MEGF9: variants seen among roughly 807,000 people sequenced by gnomAD.
The protein encoded by MEGF9 is multiple epidermal growth factor-like domains protein 9.
In MEGF9, 6 loss-of-function variants were observed where a neutral mutation model predicts 46.8. The ratio of observed to expected loss-of-function variants is 0.13; its 90% confidence interval spans 0.07 to 0.25. MEGF9 has a LOEUF of 0.25. Ranked by LOEUF, MEGF9 falls within the 10% of genes least tolerant of loss-of-function variation. The probability of loss-of-function intolerance (pLI) is 1.00; values close to 1 mark genes in which losing one functional copy is unlikely to be tolerated. For synonymous variants in MEGF9, 302 were observed against 330.7 expected, an observed-to-expected ratio of 0.91 and a Z score of 0.94; for missense variants, 683 against 792.4, an observed-to-expected ratio of 0.86 and a Z score of 1.66.
chr9:120,656,955 G>A (rs1424639540), intron 2 of MEGF9, among the ~76,000 whole-genome samples: 2 of 152,096 alleles, frequency 1.3e-5, no homozygotes, highest in African/African-American at 4.8e-5. Context: ...AGGTTAAAGT[G>A]AACTGCCTAA....
chr9:120,706,594 G>A (rs1240111153), intron 1 of MEGF9, among the ~76,000 whole-genome samples: 1 of 152,244 alleles, frequency 6.6e-6, no homozygotes, highest in African/African-American at 2.4e-5. Flanking sequence ...CAGTACTTTG[G>A]AAGGCCAAGG....
At chr9:120,693,009 A>C (rs1049033870) in intron 1 of MEGF9, among the ~76,000 whole-genome samples, 1 of 152,190 alleles carries the variant, frequency 6.6e-6, no homozygotes, top group African/African-American at 2.4e-5. Flanking sequence ...GACAGAAACC[A>C]GGTCTTATTT....
intron 1 of MEGF9, among the ~76,000 whole-genome samples, chr9:120,694,559 TCTA>T (rs1201798856): frequency 6.6e-6 from 1 of 152,256 alleles, no homozygotes; most frequent in Non-Finnish European, 1.5e-5. Context: ...AAAGTGAGAT[TCTA>T]CTGCCCTAGG....
intron 3 of MEGF9, among the ~76,000 whole-genome samples, chr9:120,616,611 G>A (rs191821743): frequency 8.6e-5 from 13 of 151,218 alleles, no homozygotes; most frequent in Admixed American, 3.9e-4. Flanking sequence ...TCCGGGAGGC[G>A]GAGCTTGCAG....
At chr9:120,628,476 T>TTTG (rs2043536424) in intron 2 of MEGF9, among the ~76,000 whole-genome samples, 2 of 139,724 alleles carry the variant, frequency 1.4e-5, no homozygotes, top group South Asian at 2.4e-4. Flanking sequence ...TTGTTTTTTT[T>TTTG]TTTTTTTTTT....
At chr9:120,611,862 A>AGG (rs1564411685) in intron 4 of MEGF9, among the ~76,000 whole-genome samples, 23 of 132,960 alleles carry the variant, frequency 1.7e-4, no homozygotes, top group African/African-American at 6.4e-4. Flanking sequence ...GAAGGAAGGA[A>AGG]GAAAGAGAGA....
At chr9:120,679,766 C>T (rs967027463) in intron 1 of MEGF9, among the ~76,000 whole-genome samples, 10 of 151,894 alleles carry the variant, frequency 6.6e-5, no homozygotes, top group Non-Finnish European at 1.3e-4. Flanking sequence ...AGTGAAACCC[C>T]GTCTCTACTA....
At chr9:120,619,284 T>C (rs1370130306) in intron 3 of MEGF9, among the ~76,000 whole-genome samples, 1 of 152,046 alleles carries the variant, frequency 6.6e-6, no homozygotes, top group Non-Finnish European at 1.5e-5. Flanking sequence ...GAGGTGGAGG[T>C]TGCAGTGAGC....
chr9:120,619,463 A>T (rs2043488891), intron 3 of MEGF9, among the ~76,000 whole-genome samples: 1 of 152,250 alleles, frequency 6.6e-6, no homozygotes, highest in African/African-American at 2.4e-5. Flanking sequence ...TATTGCATTT[A>T]ATCTTCACGA....
intron 1 of MEGF9, among the ~76,000 whole-genome samples, chr9:120,700,567 T>C (rs1432921030): frequency 6.6e-6 from 1 of 152,148 alleles, no homozygotes; most frequent in Non-Finnish European, 1.5e-5. Context: ...AAAAGCCCAA[T>C]GCCTTCCTCT....
chr9:120,645,729 A>G (rs1564419269), intron 2 of MEGF9, among the ~76,000 whole-genome samples: 1 of 152,230 alleles, frequency 6.6e-6, no homozygotes, highest in Admixed American at 6.5e-5. Flanking sequence ...TCAACTTTCC[A>G]ATATCTATTG....
At chr9:120,691,405 T>C in intron 1 of MEGF9, 1 of 481,988 alleles carries the variant, frequency 2.1e-6, no homozygotes, top group Non-Finnish European at 4.3e-6. Context: ...TTTAAGTATC[T>C]TTACGTTACT....
Position 120,601,223 on chromosome 9 carries a change from C to A in MEGF9, c.*3967G>T, listed in dbSNP as rs560017664. On this transcript the variant is annotated 3_prime_UTR_variant, in exon 6 of 6. Coordinates refer to ENST00000373930, the MANE Select transcript of MEGF9 (RefSeq NM_001080497.3). ...TTTTGGACTAACTTAGATCTGAAGC[C>A]CTGGGCTTACTTTCTAGGGCTGCTG... 6.6e-6 allele frequency: 1 copy of A among 152,298 alleles called. No homozygotes were observed. Among genetic ancestry groups the A allele is most frequent in the East Asian group, 1.9e-4 (1 of 5,184 alleles). The allele number at this position is 152,298 out of a possible 1,614,324, so 9.4% of individuals were successfully genotyped here.
chr9:120,686,997 G>A (rs961084497), intron 1 of MEGF9, among the ~76,000 whole-genome samples: 1 of 151,994 alleles, frequency 6.6e-6, no homozygotes, highest in Admixed American at 6.6e-5. Context: ...ATCAATTCCT[G>A]AGAAATGCTG....
intron 2 of MEGF9, among the ~76,000 whole-genome samples, chr9:120,634,444 A>ATTTTT (rs1564416834): frequency 3.3e-5 from 2 of 60,846 alleles, no homozygotes; most frequent in Non-Finnish European, 6.5e-5. Flanking sequence ...TGTGTGGAAT[A>ATTTTT]TCTTTTTTTT....
chr9:120,637,658 G>T (rs1271833079), intron 2 of MEGF9, among the ~76,000 whole-genome samples: 1 of 151,242 alleles, frequency 6.6e-6, no homozygotes, highest in African/African-American at 2.4e-5. Flanking sequence ...TGGGCATGGT[G>T]GTGGGTGCCT....
At chr9:120,705,292 C>T (rs10760112) in intron 1 of MEGF9, among the ~76,000 whole-genome samples, 88,478 of 151,476 alleles carry the variant, frequency 0.58, 28,594 homozygotes, top group South Asian at 0.75. Flanking sequence ...AACTGTTCAA[C>T]GCCATGCATG....
chr9:120,701,014 G>A (rs2043902275), intron 1 of MEGF9, among the ~76,000 whole-genome samples: 1 of 151,620 alleles, frequency 6.6e-6, no homozygotes, highest in Admixed American at 6.6e-5. Flanking sequence ...AGCTACTTGG[G>A]AGGCTGAGGT....
At chr9:120,645,676 T>C (rs1029547367) in intron 2 of MEGF9, among the ~76,000 whole-genome samples, 16 of 152,224 alleles carry the variant, frequency 1.1e-4, no homozygotes, top group South Asian at 2.1e-4. Flanking sequence ...GAGCAATTAA[T>C]TGGAAAAATA....
Sources: allele counts gnomAD v4.1 joint callset (sites outside exome capture counted in the v4.1 genomes callset), GRCh38; gene constraint gnomAD v4.1.1; transcripts MANE v1.5; gene names NCBI Gene and HGNC (gene_info 2026-07-23, HGNC 2026-07-21).